The following THRB variants were observed in gnomAD, a reference collection of about 807,000 sequenced individuals.
The protein encoded by THRB is nuclear receptor subfamily 1 group A member 2.
In THRB, 12 loss-of-function variants were observed where a neutral mutation model predicts 47.8. The ratio of observed to expected loss-of-function variants is 0.25; its 90% CI spans 0.16 to 0.41. The LOEUF (loss-of-function observed/expected upper bound fraction) is 0.41, where lower values mean the gene tolerates loss of function less well. Ranked by LOEUF, THRB falls within the 10% of genes least tolerant of loss-of-function variation. The pLI, the probability that THRB is intolerant of heterozygous loss-of-function variation, is 1.00. For synonymous variants in THRB, 218 were observed against 212.2 expected, an observed-to-expected ratio of 1.03 and a Z score of -0.24; for missense variants, 348 against 589.2, an observed-to-expected ratio of 0.59 and a Z score of 4.24.
intron 1 of THRB, among the ~76,000 whole-genome samples, chr3:24,395,525 A>G (rs1253573400): frequency 6.6e-6 from 1 of 152,146 alleles, no homozygotes; most frequent in African/African-American, 2.4e-5. Context: ...AAGACGTTCA[A>G]CTTGATTTGC....
At chr3:24,282,693 CTAAT>C (rs1173330358) in intron 3 of THRB, among the ~76,000 whole-genome samples, 7 of 147,962 alleles carry the variant, frequency 4.7e-5, no homozygotes, top group Middle Eastern at 3.4e-3. Flanking sequence ...GCTAGCAAGA[CTAAT>C]AAAGAAAAAA....
chr3:24,135,874 T>C (rs1178566662), intron 8 of THRB, among the ~76,000 whole-genome samples: 1 of 143,632 alleles, frequency 7.0e-6, no homozygotes, highest in Non-Finnish European at 1.5e-5. Flanking sequence ...TAATTACATA[T>C]CTATATAATT....
chr3:24,491,092 C>G (rs1055651922), intron 1 of THRB, among the ~76,000 whole-genome samples: 1 of 152,184 alleles, frequency 6.6e-6, no homozygotes, highest in South Asian at 2.1e-4. Flanking sequence ...AAGTTTAATG[C>G]ATGCCACCTC....
intron 4 of THRB, among the ~76,000 whole-genome samples, chr3:24,215,097 G>A (rs561063424): frequency 6.6e-6 from 1 of 152,136 alleles, no homozygotes; most frequent in African/African-American, 2.4e-5. Context: ...CTTAGCTATA[G>A]AGGGCAAAAA....
At chr3:24,339,837 C>G (rs1156751947) in intron 1 of THRB, among the ~76,000 whole-genome samples, 1 of 152,166 alleles carries the variant, frequency 6.6e-6, no homozygotes, top group African/African-American at 2.4e-5. Flanking sequence ...TTACACAAGA[C>G]TCAAAGCAAA....
chr3:24,420,530 G>C (rs2069142793), intron 1 of THRB, among the ~76,000 whole-genome samples: 1 of 151,950 alleles, frequency 6.6e-6, no homozygotes, highest in Middle Eastern at 3.4e-3. Context: ...TCTTTAAAAA[G>C]TGAGCAAAGG....
At chr3:24,418,668 T>C (rs2150260349) in intron 1 of THRB, among the ~76,000 whole-genome samples, 1 of 152,024 alleles carries the variant, frequency 6.6e-6, no homozygotes. Flanking sequence ...ATGTTGTAAA[T>C]AAGTAGGGTG....
chr3:24,371,384 C>T (rs185405608), intron 1 of THRB, among the ~76,000 whole-genome samples: 1 of 152,050 alleles, frequency 6.6e-6, no homozygotes, highest in Non-Finnish European at 1.5e-5. Flanking sequence ...AGACATGATT[C>T]CTACCATGTC....
Position 24,122,981 on chromosome 3 carries a change from A to G in THRB, c.1289T>C (p.Met430Thr), listed in dbSNP as rs757196258. ...KLLMKVTDLRMIGACHASRFL... is the reference protein window; with the variant it reads ...KLLMKVTDLRTIGACHASRFL... ...GCGGCTGGCATGGCAGGCTCCTATC[A>G]TCCGCAGATCTGTCACCTTCATCAG... Residue 430 changes from methionine (M) to threonine (T), a missense_variant, in exon 11 of 11, where the codon ATG becomes ACG. Physicochemically the swap from Met to Thr is moderately conservative, Grantham distance 81 (BLOSUM62 -1). This residue lies in a region of THRB where 7 missense variants were observed against 46.8 expected (regional missense o/e 0.15). Transcript: ENST00000646209. The G allele has an allele frequency of 1.2e-6, 2 of 1,614,032 alleles. No individual in the cohort carries two copies. Among genetic ancestry groups the G allele is most frequent in the Non-Finnish European group, 1.7e-6 (2 of 1,180,044 alleles).
At chr3:24,236,588 T>C (rs2048899635) in intron 3 of THRB, among the ~76,000 whole-genome samples, 1 of 152,038 alleles carries the variant, frequency 6.6e-6, no homozygotes, top group Non-Finnish European at 1.5e-5. Flanking sequence ...TCAAGAACAA[T>C]ACAGAGCCCA....
At chr3:24,492,445 GCTTT>G (rs774815930) in intron 1 of THRB, among the ~76,000 whole-genome samples, 9 of 152,214 alleles carry the variant, frequency 5.9e-5, no homozygotes, top group Non-Finnish European at 1.3e-4. Flanking sequence ...TCAGGGAAGG[GCTTT>G]CTAAGAAGGT....
chr3:24,406,409 A>G (rs1439566181), intron 1 of THRB, among the ~76,000 whole-genome samples: 5 of 151,804 alleles, frequency 3.3e-5, no homozygotes, highest in African/African-American at 1.2e-4. Flanking sequence ...CATTTAACCT[A>G]TTGATAGCAT....
rs141110551 is a variant in THRB, at chr3:24,260,369, G to A, written c.-42-31368C>T. ...CTGTAGACATGACTCTCACCAGGAGGCAAGTAGGCTGGGGTTGCAGGGTGG... is the reference window on the plus strand; with the variant it reads ...CTGTAGACATGACTCTCACCAGGAGACAAGTAGGCTGGGGTTGCAGGGTGG... On this transcript the variant is annotated intron_variant, in intron 3 of 10. Transcript: ENST00000646209. Among the ~76,000 whole-genome samples the A allele has an allele frequency of 3.7e-3, 568 of 152,284 alleles. 2 individuals are homozygous for A. The highest frequency in any genetic ancestry group is 5.3e-3 in the Non-Finnish European group (360 of 68,020).
chr3:24,353,438 T>G (rs17014555), intron 1 of THRB, among the ~76,000 whole-genome samples: 2,333 of 152,162 alleles, frequency 0.015, 55 homozygotes, highest in African/African-American at 0.052. Context: ...CACAAAGAAA[T>G]GAGGCTGTGT....
intron 1 of THRB, among the ~76,000 whole-genome samples, chr3:24,454,291 A>G (rs1371250051): frequency 6.6e-6 from 1 of 152,262 alleles, no homozygotes; most frequent in East Asian, 1.9e-4. Flanking sequence ...CATATACATG[A>G]GATGTCCAGA....
intron 4 of THRB, among the ~76,000 whole-genome samples, chr3:24,194,390 T>G (rs1156302291): frequency 6.6e-6 from 1 of 152,250 alleles, no homozygotes; most frequent in Non-Finnish European, 1.5e-5. Flanking sequence ...CGATCATATC[T>G]TGTTATTCAT....
intron 1 of THRB, among the ~76,000 whole-genome samples, chr3:24,488,369 A>G (rs1206522692): frequency 1.3e-5 from 2 of 152,206 alleles, no homozygotes; most frequent in Non-Finnish European, 2.9e-5. Flanking sequence ...ACACAGAGAC[A>G]TGTATGTATT....
At chr3:24,463,092 C>G (rs539314222) in intron 1 of THRB, among the ~76,000 whole-genome samples, 5 of 152,304 alleles carry the variant, frequency 3.3e-5, no homozygotes, top group African/African-American at 1.2e-4. Context: ...ATTAGTAAGA[C>G]AGTATTGTTT....
Position 24,164,062 on chromosome 3 carries a change from G to A in THRB, c.284-11572C>T, listed in dbSNP as rs371339225. Among the ~76,000 whole-genome samples the A allele has an allele frequency of 1.2e-4, 19 of 152,132 alleles. No individual in the cohort carries two copies. The East Asian group carries it at 3.7e-3, about 29-fold the overall frequency. ...GTAAATTATAGAAACTCGTAAATTT[G>A]GTTCTCTATGCAATATCCTATAGAT... On this transcript the variant is annotated intron_variant, in intron 5 of 10. Coordinates refer to ENST00000646209, the MANE Select transcript of THRB (RefSeq NM_001354712.2).
Sources: allele counts gnomAD v4.1 joint callset (sites outside exome capture counted in the v4.1 genomes callset), GRCh38; gene constraint gnomAD v4.1.1; regional missense constraint gnomAD v4.1.1; transcripts MANE v1.5; gene names NCBI Gene and HGNC (gene_info 2026-07-23, HGNC 2026-07-21).